The following SPTA1 variants were observed in gnomAD, a reference collection of about 807,000 sequenced individuals.
SPTA1 encodes the protein spectrin alpha, erythrocytic 1.
A neutral mutation model predicts 324.7 loss-of-function variants in SPTA1; 177 were observed. The ratio of observed to expected loss-of-function variants is 0.55; its 90% CI spans 0.48 to 0.62. The LOEUF is 0.62. SPTA1 is among the 20% of genes least tolerant of loss of function. The pLI is 0.00. For missense variants in SPTA1, 3,162 were observed against 2,883.6 expected, an observed-to-expected ratio of 1.10 and a Z score of -2.21; for synonymous variants, 1,195 against 1,041.3, an observed-to-expected ratio of 1.15 and a Z score of -2.84.
rs1197373181 is a variant in SPTA1, at chr1:158,657,613, C to T, written c.2669G>A (p.Arg890Lys). 6.2e-7 allele frequency: 1 copy of T among 1,614,112 alleles called. No individual in the cohort carries two copies. ...NMESLRARAA[R>K]RQNDLEANVQ... is the part of the protein sequence containing the mutation. ...ATTGGCTTCAAGATCATTTTGTCGCCTAGCAGCTCGAGCACGGAGAGACTC... is the reference window on the plus strand; with the variant it reads ...ATTGGCTTCAAGATCATTTTGTCGCTTAGCAGCTCGAGCACGGAGAGACTC... Residue 890 changes from arginine to lysine, a missense_variant, in exon 19 of 52, where the codon AGG (arginine) becomes AAG (lysine). Coordinates refer to ENST00000643759, the MANE Select transcript of SPTA1 (RefSeq NM_003126.4).
Position 158,643,374 on chromosome 1 carries a change from C to T in SPTA1, c.4390G>A (p.Glu1464Lys), listed in dbSNP as rs764474311. The change falls in exon 31 of 52, where the codon GAA becomes AAA. Residue 1464 changes from glutamate to lysine, a missense_variant. Physicochemically the swap from Glu to Lys is moderately conservative, Grantham distance 56. Coordinates refer to ENST00000643759, the MANE Select transcript of SPTA1 (RefSeq NM_003126.4). ...GCAATCTCTTCTTTGGCATAGTGTT[C>T]ATCAGCAATGAGGCTCTCAGCAAAA... ...EHFAESLIADEHYAKEEIATR... is the reference protein window; with the variant it reads ...EHFAESLIADKHYAKEEIATR... The T allele has an allele frequency of 1.9e-6, 3 of 1,613,860 alleles. No individual in the cohort carries two copies. The South Asian group carries it at 3.3e-5, about 18-fold the overall frequency.
At chr1:158,631,760 C>T (rs1650691096) in intron 39 of SPTA1, among the ~76,000 whole-genome samples, 1 of 152,040 alleles carries the variant, frequency 6.6e-6, no homozygotes, top group African/African-American at 2.4e-5. Context: ...TCACTTCACA[C>T]CTGTCAGGAT....
At chr1:158,611,518 T>G in intron 51 of SPTA1, 129 bp from the exon 52 acceptor site, 1 of 979,412 alleles carries the variant, frequency 1.0e-6, no homozygotes, top group Non-Finnish European at 1.5e-6. Context: ...CTATTTCTAT[T>G]ACACACAATT....
Position 158,638,089 on chromosome 1 carries a change from C to G in SPTA1, c.5133G>C (p.Glu1711Asp), listed in dbSNP as rs745692061. The G allele has an allele frequency of 1.2e-6, 2 of 1,614,036 alleles. No homozygotes were observed. The highest frequency in any genetic ancestry group is 1.7e-6 in the Non-Finnish European group (2 of 1,179,964). ...GGAAGAACTGGAACAAGGCATAGGCCTCTTTCAATTTTTCGTGGTGTGCAG... is the reference window on the plus strand; with the variant it reads ...GGAAGAACTGGAACAAGGCATAGGCGTCTTTCAATTTTTCGTGGTGTGCAG... ...LAAAHHEKLK[E>D]AYALFQFFQD... The change falls in exon 36 of 52, where the codon GAG (glutamate) becomes GAC (aspartate). Residue 1711 changes from glutamate (E) to aspartate (D), a missense_variant. Coordinates refer to ENST00000643759, the MANE Select transcript of SPTA1 (RefSeq NM_003126.4).
chr1:158,619,377 C>CT (rs774372227), intron 44 of SPTA1, 43 bp from the exon 45 acceptor site: 1 of 1,587,748 alleles, frequency 6.3e-7, no homozygotes, highest in South Asian at 1.1e-5. Flanking sequence ...CATCGAAGGC[C>CT]TTTCTTTGCC....
At chr1:158,612,757 G>T in intron 51 of SPTA1, 60 bp downstream of exon 51, 1 of 1,603,062 alleles carries the variant, frequency 6.2e-7, no homozygotes, top group Non-Finnish European at 8.5e-7. Flanking sequence ...CACCGGGCCT[G>T]AGATGACCAG....
intron 1 of SPTA1, 35 bp from the exon 2 acceptor site, chr1:158,685,382 C>T (rs753306923): frequency 2.5e-6 from 4 of 1,608,386 alleles, no homozygotes; most frequent in Middle Eastern, 1.6e-4. Flanking sequence ...CTTGCTAGTT[C>T]TCAAATATTT....
chr1:158,661,092 A>G (rs1428719002), intron 18 of SPTA1, among the ~76,000 whole-genome samples, 195 bp downstream of exon 18: 2 of 152,250 alleles, frequency 1.3e-5, no homozygotes, highest in Non-Finnish European at 2.9e-5. Flanking sequence ...AGTGGTTCAC[A>G]GGATTGGAAT....
intron 38 of SPTA1, among the ~76,000 whole-genome samples, chr1:158,635,077 C>T (rs1286943942): frequency 1.5e-5 from 1 of 66,776 alleles, no homozygotes; most frequent in Admixed American, 1.2e-4. Flanking sequence ...TTCCTTTTAG[C>T]CCCCCCCAGG....
At position 158,636,146 on chromosome 1, in the gene SPTA1, C is replaced by A. The variant is rs2101806874; in HGVS notation, c.5311-112G>T. 4 of 1,576,494 alleles carry A rather than the reference C, an allele frequency of 2.5e-6. No homozygotes were observed. The East Asian group carries it at 9.0e-5, about 35-fold the overall frequency. On this transcript the variant is annotated intron_variant, in intron 37 of 51. Transcript: ENST00000643759. The stretch of plus-strand genomic sequence containing the variant: ...CTACCCTCCAGATTATTTATAAACT[C>A]CACGGGACTTTGTGAGGGTCCTGAA...
chr1:158,678,482 G>T lies in SPTA1; in HGVS notation c.731C>A (p.Ala244Asp). The change falls in exon 6 of 52, where the codon GCT becomes GAT. Residue 244 changes from alanine (A) to aspartate (D), a missense_variant. Transcript: ENST00000643759. Reference sequence around the variant, plus strand: ...CAAACCACGAAGGCGCTCCCAGGCAGCATTCACCTCATTTTGCTTAGACTG... The same window carrying T: ...CAAACCACGAAGGCGCTCCCAGGCATCATTCACCTCATTTTGCTTAGACTG... Reference protein sequence around the residue: ...LIQSKQNEVNAAWERLRGLAL... With the variant: ...LIQSKQNEVNDAWERLRGLAL... 1 of 1,613,716 alleles carries T rather than the reference G, an allele frequency of 6.2e-7. No homozygotes were observed. The highest frequency in any genetic ancestry group is 1.7e-5 in the Admixed American group (1 of 59,956).
chr1:158,631,564 C>T (rs1311259525), intron 39 of SPTA1, among the ~76,000 whole-genome samples: 10 of 151,746 alleles, frequency 6.6e-5, no homozygotes, highest in South Asian at 2.1e-4. Context: ...AAGAACTTAT[C>T]CATATAACCA....
At position 158,613,718 on chromosome 1, in the gene SPTA1, T is replaced by C; in HGVS notation, c.6989+3A>G. ...GCGGTCTGACCCTTAGTCTTGTTCC[T>C]ACCTCCCTGGATCCACAGCATCCAG... On this transcript the variant is annotated splice_donor_region_variant and intron_variant, in intron 50 of 51. Transcript: ENST00000643759. 1 of 1,613,774 alleles carries C rather than the reference T, an allele frequency of 6.2e-7. No homozygotes were observed. The highest frequency in any genetic ancestry group is 8.5e-7 in the Non-Finnish European group (1 of 1,179,734).
At chr1:158,675,421 A>C (rs1654326836) in intron 8 of SPTA1, among the ~76,000 whole-genome samples, 1 of 152,094 alleles carries the variant, frequency 6.6e-6, no homozygotes, top group Admixed American at 6.6e-5. Flanking sequence ...GCATCCCACA[A>C]TAATACAAGC....
intron 15 of SPTA1, among the ~76,000 whole-genome samples, chr1:158,667,079 T>G (rs1653658253): frequency 6.6e-6 from 1 of 152,170 alleles, no homozygotes; most frequent in African/African-American, 2.4e-5. Context: ...AATTGCTGTG[T>G]CTCCTGATGG....
intron 16 of SPTA1, 84 bp from the exon 17 acceptor site, chr1:158,663,029 A>G: frequency 6.3e-7 from 1 of 1,589,250 alleles, no homozygotes; most frequent in Non-Finnish European, 8.6e-7. Context: ...AAACGGGGTC[A>G]TGGGAAAATC....
rs1650545467 is a variant in SPTA1, at chr1:158,629,546, GTACATGTAT to G, written c.5566-1832_5566-1824del. On this transcript the variant is annotated intron_variant, in intron 39 of 51. Coordinates refer to ENST00000643759, the MANE Select transcript of SPTA1 (RefSeq NM_003126.4). ...AGGGATATTGCTTCAACGTGATAAA[GTACATGTAT>G]GAAAAGCCCACAGCTAACATCATAT... is the stretch of plus-strand genomic sequence containing the variant. Among the ~76,000 whole-genome samples, 4 of 152,072 alleles carry G rather than the reference GTACATGTAT, an allele frequency of 2.6e-5. No homozygotes were observed. In the South Asian group the frequency reaches 6.2e-4, roughly 24 times the overall value.
chr1:158,670,998 C>A (rs927042150), intron 12 of SPTA1, among the ~76,000 whole-genome samples: 13 of 150,714 alleles, frequency 8.6e-5, no homozygotes, highest in Non-Finnish European at 1.8e-4. Flanking sequence ...AAAAAAAAAA[C>A]ATGGCTACCA....
chr1:158,627,844 T>G lies in SPTA1; in HGVS notation c.5566-121A>C, dbSNP rs1650381318. On this transcript the variant is annotated intron_variant, in intron 39 of 51. Transcript: ENST00000643759. ...GATTCAATGAAATTGGCAGACTAGG[T>G]GAATGCCCACTTTTTCTGGAATAAC... 1.2e-5 allele frequency: 11 copies of G among 901,752 alleles called. No homozygotes were observed. In the South Asian group the frequency reaches 1.5e-4, roughly 12 times the overall value. 55.9% of individuals were successfully genotyped at this position (901,752 alleles called of 1,614,324 possible).
Sources: allele counts gnomAD v4.1 joint callset (sites outside exome capture counted in the v4.1 genomes callset), GRCh38; gene constraint gnomAD v4.1.1; transcripts MANE v1.5; gene names NCBI Gene and HGNC (gene_info 2026-07-23, HGNC 2026-07-21).